Variants in WIPI1 observed in about 807,000 individuals in gnomAD.
WIPI1 encodes WD repeat domain, phosphoinositide interacting 1.
WIPI1 carries 45 observed loss-of-function variants against 55.3 expected under a neutral mutation model. That is an observed-to-expected ratio of 0.81 (90% CI 0.64 to 1.04). The LOEUF (loss-of-function observed/expected upper bound fraction) is 1.04. Among genes scored for constraint, WIPI1 ranks in the 50% least tolerant of loss-of-function variants. WIPI1 has a pLI of 0.00. For synonymous variants in WIPI1, 195 were observed against 217.6 expected (o/e 0.90, Z 0.92); for missense variants, 445 against 559.0 (o/e 0.80, Z 2.06).
rs777126834 is a variant in WIPI1, at chr17:68,435,649, C to G, written c.592G>C (p.Gly198Arg). 1.9e-6 allele frequency: 3 copies of G among 1,614,112 alleles called. No homozygotes were observed. The highest frequency in any genetic ancestry group is 1.3e-5 in the African/African-American group (1 of 74,942). The change falls in exon 6 of 13, where the codon GGC becomes CGC. Residue 198 changes from glycine to arginine, a missense_variant. Transcript: ENST00000262139. ...TCAGACGCACTTGCTAGTTTGGAGC[C>G]TGAGGCATTGAAGGTGATGGCAGCT... Reference protein sequence around the residue: ...TLAAITFNASGSKLASASEKG... With the variant: ...TLAAITFNASRSKLASASEKG...
chr17:68,436,030 C>T (rs1330024557), intron 5 of WIPI1, among the ~76,000 whole-genome samples: 2 of 152,234 alleles, frequency 1.3e-5, no homozygotes, highest in East Asian at 1.9e-4. Context: ...AATCTTGTCC[C>T]GCTCAGGGAT....
In WIPI1 at chr17:68,433,456, C is replaced by CGG; in HGVS notation, c.800+10_800+11dup. On this transcript the variant is annotated intron_variant, in intron 8 of 12. Coordinates refer to ENST00000262139, the MANE Select transcript of WIPI1 (RefSeq NM_017983.7). ...CGTTTAATGAGCATTTGGTGCCCCG[C>CGG]GGAGTACTTGCCTGTTGGTGACCTG... 6.2e-7 allele frequency: 1 copy of CGG among 1,612,038 alleles called. No homozygotes were observed. The highest frequency in any genetic ancestry group is 8.5e-7 in the Non-Finnish European group (1 of 1,178,438).
intron 4 of WIPI1, among the ~76,000 whole-genome samples, chr17:68,442,429 C>A (rs891862823): frequency 2.0e-5 from 3 of 149,266 alleles, no homozygotes; most frequent in African/African-American, 7.5e-5. Context: ...TGCACCACCT[C>A]ACTCCAGCCT....
intron 1 of WIPI1, 126 bp downstream of exon 1, chr17:68,457,216 A>G (rs1407023137): frequency 7.8e-6 from 9 of 1,155,506 alleles, no homozygotes; most frequent in Non-Finnish European, 1.1e-5. Context: ...ATGCGTCCGA[A>G]GCAGACACCG....
At chr17:68,457,251 G>A in intron 1 of WIPI1, 91 bp downstream of exon 1, 1 of 1,463,536 alleles carries the variant, frequency 6.8e-7, no homozygotes, top group South Asian at 1.2e-5. Context: ...GCCGCCTCGA[G>A]GCGGAAGCCA....
rs1006226 is a variant in WIPI1 at position 68,426,249 on chromosome 17, C to A, written c.1193-74G>T. 2.6e-6 allele frequency: 2 copies of A among 776,012 alleles called. 1 individual carries two copies. The allele number at this position is 776,012 out of a possible 1,614,324, so 48.1% of individuals were successfully genotyped here. A position where few individuals can be genotyped will look rare whatever the true frequency, so the allele number is the denominator to read the frequency against. On this transcript the variant is annotated intron_variant, in intron 11 of 12. Transcript: ENST00000262139. ...ATGCCATGACCTGGCGGGTGGGGAG[C>A]GGGGGCTCAAATAAAGGGCAAAGGA...
intron 11 of WIPI1, 53 bp downstream of exon 11, chr17:68,427,080 AGG>A: frequency 7.0e-7 from 1 of 1,438,808 alleles, no homozygotes; most frequent in South Asian, 1.1e-5. Flanking sequence ...TGCAGGGAGA[AGG>A]GGAGGGAGGT....
Position 68,423,048 on chromosome 17 carries a change from G to A in WIPI1, c.1294-1228C>T, listed in dbSNP as rs1406646358. 1.3e-5 allele frequency among the ~76,000 whole-genome samples: 2 copies of A among 152,110 alleles called. No homozygotes were observed. The highest frequency in any genetic ancestry group is 1.3e-4 in the Admixed American group (2 of 15,274). The stretch of plus-strand genomic sequence containing the variant: ...TGATGACCCGCGTTCTTAAGGCAGC[G>A]GCTCACAGAGCTCCTGTAGCAGACT... On this transcript the variant is annotated intron_variant, in intron 12 of 12. Coordinates refer to ENST00000262139, the MANE Select transcript of WIPI1 (RefSeq NM_017983.7). This position sits in a 1 kb window ranked among gnomAD's most constrained non-coding sequence, Gnocchi z 4.4.
chr17:68,426,247 A>AGGGGGGGGGGGGGGGGGGGGG, intron 11 of WIPI1, 72 bp from the exon 12 acceptor site: 1 of 655,806 alleles, frequency 1.5e-6, no homozygotes, highest in Non-Finnish European at 2.3e-6. Flanking sequence ...GCGGGTGGGG[A>AGGGGGGGGGGGGGGGGGGGGG]GCGGGGGCTC....
At chr17:68,433,780 T>TTTTTG in intron 7 of WIPI1, among the ~76,000 whole-genome samples, 2 of 126,016 alleles carry the variant, frequency 1.6e-5, no homozygotes, top group African/African-American at 6.4e-5. Context: ...TTTTTTTTTT[T>TTTTTG]TTTTTTTTTT....
Position 68,430,123 on chromosome 17 carries a change from C to A in WIPI1, c.838G>T (p.Gly280Ter). ...TTGGTAGCAGCCATAAACATCTTTC[C>A]CATGTAGCCACTCCAGGTCGAAGGC... is the stretch of plus-strand genomic sequence containing the variant. ...EEPSTWSGYMGKMFMAATNYL... is the reference protein window; with the variant it reads ...EEPSTWSGYM The change falls in exon 9 of 13, where the codon GGA (glycine) becomes TGA (stop). Residue 280 changes from glycine (G) to a stop codon, truncating the protein, a stop_gained. Coordinates refer to ENST00000262139, the MANE Select transcript of WIPI1 (RefSeq NM_017983.7). LOFTEE classifies it high-confidence loss of function. 1 of 1,614,034 alleles carries A rather than the reference C, an allele frequency of 6.2e-7. No individual in the cohort carries two copies. The highest frequency in any genetic ancestry group is 8.5e-7 in the Non-Finnish European group (1 of 1,179,992).
At chr17:68,427,349 G>C (rs2083265098) in intron 10 of WIPI1, 96 bp from the exon 11 acceptor site, 2 of 904,378 alleles carry the variant, frequency 2.2e-6, no homozygotes, top group Non-Finnish European at 3.5e-6. Context: ...CCTGTGCTCA[G>C]CTCTGTGGGT....
intron 3 of WIPI1, among the ~76,000 whole-genome samples, chr17:68,449,924 T>C (rs1244272453): frequency 6.6e-6 from 1 of 152,074 alleles, no homozygotes; most frequent in Admixed American, 6.6e-5. Context: ...GGTGGGAGGA[T>C]TGTTTGAGCC....
At chr17:68,424,707 C>A (rs897970587) in intron 12 of WIPI1, among the ~76,000 whole-genome samples, 3 of 152,148 alleles carry the variant, frequency 2.0e-5, no homozygotes, top group African/African-American at 7.2e-5. Context: ...GAAACCCCGT[C>A]TCTACTAAAA....
At chr17:68,446,986 T>A (rs1398291370) in intron 3 of WIPI1, among the ~76,000 whole-genome samples, 1 of 152,244 alleles carries the variant, frequency 6.6e-6, no homozygotes, top group African/African-American at 2.4e-5. Flanking sequence ...GTGGGCACGA[T>A]GCTGCTGATT....
At position 68,427,132 on chromosome 17, in the gene WIPI1, CA is replaced by C; in HGVS notation, c.1192+2del. On this transcript the variant is annotated splice_donor_variant, in intron 11 of 12. Transcript: ENST00000262139. LOFTEE classifies it high-confidence loss of function. ...CTCCCCTGTTGGCCCCGTGTCCACC[CA>C]CCTGGCACCGTGGAGGCTGAAGATG... 6.2e-7 allele frequency: 1 copy of C among 1,613,418 alleles called. No homozygotes were observed. Among genetic ancestry groups the C allele is most frequent in the Non-Finnish European group, 8.5e-7 (1 of 1,179,492 alleles).
At chr17:68,447,984 C>CAAAAAAAA (rs5821653) in intron 3 of WIPI1, among the ~76,000 whole-genome samples, 1 of 80,276 alleles carries the variant, frequency 1.2e-5, no homozygotes, top group Non-Finnish European at 2.5e-5. Flanking sequence ...GACTCTATCT[C>CAAAAAAAA]AAAAAAAAAA....
intron 4 of WIPI1, among the ~76,000 whole-genome samples, chr17:68,439,367 G>A (rs1399005255): frequency 2.0e-5 from 3 of 152,164 alleles, no homozygotes; most frequent in Non-Finnish European, 4.4e-5. Context: ...TGTGAAAGAA[G>A]TCAGTCACAA....
chr17:68,430,007 A>ACAGATGTT lies in WIPI1; in HGVS notation c.946_953dup (p.Cys318Ter). On this transcript the variant is annotated stop_gained and frameshift_variant, in exon 9 of 13. Transcript: ENST00000262139. LOFTEE classifies it high-confidence loss of function. Reference sequence around the variant, plus strand: ...GTCATTGTACGTACGTTGAGAGGGTACAGATGTTCCTCTGTCCGGAGAAGT... The same window carrying ACAGATGTT: ...GTCATTGTACGTACGTTGAGAGGGTACAGATGTTCAGATGTTCCTCTGTCCGGAGAAGT... The ACAGATGTT allele has an allele frequency of 6.2e-7, 1 of 1,614,162 alleles. No homozygotes were observed. Among genetic ancestry groups the ACAGATGTT allele is most frequent in the Non-Finnish European group, 8.5e-7 (1 of 1,180,016 alleles).
Sources: gnomAD v4.1 joint callset for allele counts (sites outside exome capture counted in the v4.1 genomes callset) on GRCh38, gnomAD v4.1.1 for gene constraint, Gnocchi (gnomAD v3.1) non-coding constraint, MANE v1.5 for transcripts, NCBI Gene and HGNC (gene_info 2026-07-23, HGNC 2026-07-21) for gene names.